The following KIRREL3 variants were observed in gnomAD, a reference collection of about 807,000 sequenced individuals.
The protein encoded by KIRREL3 is kirre like nephrin family adhesion molecule 3.
KIRREL3 carries 36 observed loss-of-function variants against 89.7 expected under a neutral mutation model. The observed-to-expected ratio is 0.40, with a 90% confidence interval of 0.31 to 0.53. The LOEUF (loss-of-function observed/expected upper bound fraction) is 0.53. Among genes scored for constraint, KIRREL3 ranks in the 20% least tolerant of loss-of-function variants. The probability of loss-of-function intolerance (pLI) is 0.49; values close to 1 mark genes in which losing one functional copy is unlikely to be tolerated. For synonymous variants in KIRREL3, 445 were observed against 441.4 expected, an observed-to-expected ratio of 1.01 and a Z score of -0.10; for missense variants, 864 against 1,056.6, an observed-to-expected ratio of 0.82 and a Z score of 2.53.
chr11:126,725,677 C>T (rs1432908198), intron 1 of KIRREL3, among the ~76,000 whole-genome samples: 1 of 152,126 alleles, frequency 6.6e-6, no homozygotes, highest in Non-Finnish European at 1.5e-5. Context: ...CAGGCTGGAC[C>T]CTGAGCCCGC....
Position 126,525,003 on chromosome 11 carries a change from A to G in KIRREL3, c.283+1535T>C, listed in dbSNP as rs772902298. On this transcript the variant is annotated intron_variant, in intron 3 of 16. Transcript: ENST00000525144. The surrounding 1 kb of genome is among the most constrained non-coding windows in gnomAD (Gnocchi z 5.4). The stretch of plus-strand genomic sequence containing the variant: ...GGAGAGGCAAACCGAGTCAAGCTGG[A>G]GAGGACACAGGCCCCAGTTTGTCAG... Among the ~76,000 whole-genome samples the G allele has an allele frequency of 4.6e-5, 7 of 152,200 alleles. No individual in the cohort carries two copies. Among genetic ancestry groups the G allele is most frequent in the African/African-American group, 7.2e-5 (3 of 41,446 alleles).
intron 1 of KIRREL3, chr11:126,681,872 A>T (rs1266245152): frequency 2.2e-6 from 1 of 455,536 alleles, no homozygotes. Context: ...AGTACTTTGC[A>T]AACAAATCAA....
rs1188402767 is a variant in KIRREL3, at chr11:126,565,714, G to A, written c.56-2802C>T. The stretch of plus-strand genomic sequence containing the variant: ...GAGAGATTTGCAAAGCTAAATTAAA[G>A]GTCATTGGGTTCACATGAGTGTGCC... On this transcript the variant is annotated intron_variant, in intron 1 of 16. Transcript: ENST00000525144. The surrounding 1 kb of genome is among the most constrained non-coding windows in gnomAD (Gnocchi z 5.4). Among the ~76,000 whole-genome samples the A allele has an allele frequency of 6.6e-6, 1 of 152,130 alleles. No homozygotes were observed. The highest frequency in any genetic ancestry group is 1.9e-4 in the East Asian group (1 of 5,186).
chr11:126,739,082 C>T lies in KIRREL3; in HGVS notation c.56-176170G>A, dbSNP rs1480829776. On this transcript the variant is annotated intron_variant, in intron 1 of 16. Transcript: ENST00000525144. The surrounding 1 kb of genome is among the most constrained non-coding windows in gnomAD (Gnocchi z 5.5). ...ATGAAGAAACTGGCTTTCAGAGAGA[C>T]CAAGTAACTTGCTCAAGGCCACACA... 6.6e-6 allele frequency among the ~76,000 whole-genome samples: 1 copy of T among 152,136 alleles called. No homozygotes were observed. Among genetic ancestry groups the T allele is most frequent in the African/African-American group, 2.4e-5 (1 of 41,420 alleles).
intron 1 of KIRREL3, among the ~76,000 whole-genome samples, chr11:126,820,145 T>A (rs939523): frequency 0.86 from 131,179 of 151,962 alleles, 56,970 homozygotes; most frequent in East Asian, 1. Flanking sequence ...GCCCCATTCA[T>A]TTTGTTCATG....
intron 1 of KIRREL3, among the ~76,000 whole-genome samples, chr11:126,760,444 C>T (rs994173750): frequency 6.6e-6 from 1 of 152,216 alleles, no homozygotes; most frequent in African/African-American, 2.4e-5. Context: ...ACAAATACCC[C>T]ATTCATTTCT....
chr11:126,791,595 G>A lies in KIRREL3; in HGVS notation c.55+208860C>T, dbSNP rs910968657. ...GAAGGCTGGAGCCAAGCCTTTTGTA[G>A]GCAAAGGGATCTGAGTGCAGTTTCG... is the stretch of plus-strand genomic sequence containing the variant. On this transcript the variant is annotated intron_variant, in intron 1 of 16. Transcript: ENST00000525144. This position sits in a 1 kb window ranked among gnomAD's most constrained non-coding sequence, Gnocchi z 4.8. Among the ~76,000 whole-genome samples, 3 of 152,234 alleles carry A rather than the reference G, an allele frequency of 2.0e-5. No individual in the cohort carries two copies. The highest frequency in any genetic ancestry group is 7.2e-5 in the African/African-American group (3 of 41,456).
chr11:126,445,394 G>A (rs1224727992), intron 9 of KIRREL3, among the ~76,000 whole-genome samples: 1 of 152,220 alleles, frequency 6.6e-6, no homozygotes, highest in Admixed American at 6.5e-5. Flanking sequence ...ATGTGCCGGA[G>A]GAGGGGGATG....
Position 126,948,431 on chromosome 11 carries a change from A to T in KIRREL3, c.55+52024T>A, listed in dbSNP as rs12575250. Among the ~76,000 whole-genome samples, 34,648 of 152,076 alleles carry T rather than the reference A, an allele frequency of 0.23. 4,586 individuals are homozygous for T. The highest frequency in any genetic ancestry group is 0.64 in the East Asian group (3,319 of 5,148). ...CAAGAGAGTCAAGTGCTATGCTCAG[A>T]GCTAAGAGAACAGCGGGGTAGACTA... On this transcript the variant is annotated intron_variant, in intron 1 of 16. Transcript: ENST00000525144. The surrounding 1 kb of genome is among the most constrained non-coding windows in gnomAD (Gnocchi z 4.5).
At chr11:126,504,450 T>C (rs576804027) in intron 4 of KIRREL3, among the ~76,000 whole-genome samples, 1 of 152,336 alleles carries the variant, frequency 6.6e-6, no homozygotes, top group African/African-American at 2.4e-5. Flanking sequence ...TCGTCACTTC[T>C]ATGAGTCTTT....
rs112512879 is a variant in KIRREL3, at chr11:126,668,491, C to T, written c.56-105579G>A. On this transcript the variant is annotated intron_variant, in intron 1 of 16. Transcript: ENST00000525144. This position sits in a 1 kb window ranked among gnomAD's most constrained non-coding sequence, Gnocchi z 4.4. ...AGCTTCCCTTTCCCCACAGTCCAAC[C>T]GGCTGTCTAAGCTTAGGGAGCTGCC... 0.022 allele frequency among the ~76,000 whole-genome samples: 3,329 copies of T among 152,236 alleles called. 67 individuals carry two copies. The highest frequency in any genetic ancestry group is 0.048 in the Admixed American group (729 of 15,290).
chr11:126,597,110 A>G (rs1156918061), intron 1 of KIRREL3, among the ~76,000 whole-genome samples: 2 of 152,200 alleles, frequency 1.3e-5, no homozygotes, highest in Non-Finnish European at 2.9e-5. Flanking sequence ...CTGTGTCTCC[A>G]TTCTCTCCCT....
intron 1 of KIRREL3, among the ~76,000 whole-genome samples, chr11:126,923,239 TCTTC>T (rs1947510778): frequency 1.8e-5 from 1 of 55,860 alleles, no homozygotes; most frequent in African/African-American, 7.0e-5. Flanking sequence ...TTCTTCTTCT[TCTTC>T]TTCTTCTTCT....
rs1287078870 is a variant in KIRREL3, at chr11:126,553,724, G to A, written c.133+9111C>T. 6.6e-6 allele frequency among the ~76,000 whole-genome samples: 1 copy of A among 152,108 alleles called. No homozygotes were observed. Among genetic ancestry groups the A allele is most frequent in the African/African-American group, 2.4e-5 (1 of 41,402 alleles). On this transcript the variant is annotated intron_variant, in intron 2 of 16. Coordinates refer to ENST00000525144, the MANE Select transcript of KIRREL3 (RefSeq NM_032531.4). This position sits in a 1 kb window ranked among gnomAD's most constrained non-coding sequence, Gnocchi z 4.7. ...TTTCCATAGGGCTGTGCTCCACATGGGCATCCCATTAAAAGGCCAGGTTTC... is the reference window on the plus strand; with the variant it reads ...TTTCCATAGGGCTGTGCTCCACATGAGCATCCCATTAAAAGGCCAGGTTTC...
At chr11:126,702,237 G>C (rs1947339597) in intron 1 of KIRREL3, among the ~76,000 whole-genome samples, 1 of 152,174 alleles carries the variant, frequency 6.6e-6, no homozygotes, top group Non-Finnish European at 1.5e-5. Flanking sequence ...CCTAGCAGGG[G>C]CCTGTCACAT....
At position 126,780,204 on chromosome 11, in the gene KIRREL3, G is replaced by A. The variant is rs1950286643; in HGVS notation, c.56-217292C>T. Among the ~76,000 whole-genome samples the A allele has an allele frequency of 6.6e-6, 1 of 152,160 alleles. No homozygotes were observed. The highest frequency in any genetic ancestry group is 2.4e-5 in the African/African-American group (1 of 41,426). On this transcript the variant is annotated intron_variant, in intron 1 of 16. Coordinates refer to ENST00000525144, the MANE Select transcript of KIRREL3 (RefSeq NM_032531.4). This position sits in a 1 kb window ranked among gnomAD's most constrained non-coding sequence, Gnocchi z 5.3. Reference sequence around the variant, plus strand: ...GGAAAACAGGAAAAGACTGCAGAAGGAAGAAGATAAGGAAGCAACAGAAAC... The same window carrying A: ...GGAAAACAGGAAAAGACTGCAGAAGAAAGAAGATAAGGAAGCAACAGAAAC...
intron 4 of KIRREL3, among the ~76,000 whole-genome samples, chr11:126,493,443 C>T (rs1427578470): frequency 6.6e-6 from 1 of 152,014 alleles, no homozygotes; most frequent in Non-Finnish European, 1.5e-5. Flanking sequence ...ATCACGAGGT[C>T]AGGAGATCGA....
rs948656053 is a variant in KIRREL3, at chr11:126,568,336, G to A, written c.56-5424C>T. Among the ~76,000 whole-genome samples the A allele has an allele frequency of 6.6e-6, 1 of 152,196 alleles. No homozygotes were observed. The highest frequency in any genetic ancestry group is 2.4e-5 in the African/African-American group (1 of 41,468). On this transcript the variant is annotated intron_variant, in intron 1 of 16. Coordinates refer to ENST00000525144, the MANE Select transcript of KIRREL3 (RefSeq NM_032531.4). This position sits in a 1 kb window ranked among gnomAD's most constrained non-coding sequence, Gnocchi z 4.6. ...GAGAAGGGAGGCTGGCTGGGAGACCGCTGCCATACTCCAGGTGGGAGATGG... is the reference window on the plus strand; with the variant it reads ...GAGAAGGGAGGCTGGCTGGGAGACCACTGCCATACTCCAGGTGGGAGATGG...
At chr11:126,707,965 C>T (rs373638318) in intron 1 of KIRREL3, among the ~76,000 whole-genome samples, 1 of 152,096 alleles carries the variant, frequency 6.6e-6, no homozygotes, top group Non-Finnish European at 1.5e-5. Flanking sequence ...CCTGTTCGCT[C>T]GCTTGCAGTA....
Sources: gnomAD v4.1 joint callset for allele counts (sites outside exome capture counted in the v4.1 genomes callset) on GRCh38, gnomAD v4.1.1 for gene constraint, Gnocchi (gnomAD v3.1) non-coding constraint, MANE v1.5 for transcripts, NCBI Gene and HGNC (gene_info 2026-07-23, HGNC 2026-07-21) for gene names.